The following MDGA2 variants were observed in gnomAD, a reference collection of about 807,000 sequenced individuals.
The protein encoded by MDGA2 is MAM domain containing glycosylphosphatidylinositol anchor 2, also known as MAM domain-containing glycosylphosphatidylinositol anchor protein 2.
A neutral mutation model predicts 117.8 loss-of-function variants in MDGA2; 40 were observed. The ratio of observed to expected loss-of-function variants is 0.34; its 90% CI spans 0.26 to 0.44. The LOEUF is 0.44. MDGA2 is among the 20% of genes least tolerant of loss of function. MDGA2 has a pLI of 1.00. For missense variants in MDGA2, 1,123 were observed against 1,250.6 expected (o/e 0.90, Z 1.54); for synonymous variants, 452 against 439.0 (o/e 1.03, Z -0.37).
intron 1 of MDGA2, among the ~76,000 whole-genome samples, chr14:47,357,235 A>C (rs1024174647): frequency 6.6e-6 from 1 of 152,234 alleles, no homozygotes; most frequent in African/African-American, 2.4e-5. Context: ...CCACTATAAT[A>C]GACCCAAAAG....
At chr14:47,200,608 T>C in intron 3 of MDGA2, 1 of 1,263,492 alleles carries the variant, frequency 7.9e-7, no homozygotes, top group Non-Finnish European at 1.1e-6. Flanking sequence ...TGAAGACCTC[T>C]GTATATTTGT....
intron 3 of MDGA2, among the ~76,000 whole-genome samples, chr14:47,183,107 T>C (rs1884775590): frequency 6.6e-6 from 1 of 152,150 alleles, no homozygotes; most frequent in South Asian, 2.1e-4. Context: ...AAAATTAGAC[T>C]CATTATCTTC....
intron 1 of MDGA2, among the ~76,000 whole-genome samples, chr14:47,636,253 A>C (rs1267725753): frequency 2.0e-5 from 3 of 152,226 alleles, no homozygotes; most frequent in Non-Finnish European, 4.4e-5. Flanking sequence ...TAAGCAAAAA[A>C]GGTAAAAGAA....
At chr14:47,183,045 C>A (rs190161464) in intron 3 of MDGA2, among the ~76,000 whole-genome samples, 2 of 152,226 alleles carry the variant, frequency 1.3e-5, no homozygotes, top group East Asian at 3.9e-4. Flanking sequence ...AAACTGCTTG[C>A]TTAGACACAT....
rs75123004 is a variant in MDGA2 at position 46,964,291 on chromosome 14, T to C, written c.1820-6648A>G. ...CAGCTATCCACTGTTAGAATTACTA[T>C]GATTAGATATAATAAAATGTGGTTC... On this transcript the variant is annotated intron_variant, in intron 8 of 16. Transcript: ENST00000399232. Among the ~76,000 whole-genome samples the C allele has an allele frequency of 5.4e-3, 809 of 150,044 alleles. 13 individuals are homozygous for C. Among genetic ancestry groups the C allele is most frequent in the African/African-American group, 0.019 (770 of 39,926 alleles).
intron 3 of MDGA2, among the ~76,000 whole-genome samples, chr14:47,148,135 T>G (rs1883019976): frequency 6.6e-6 from 1 of 152,180 alleles, no homozygotes; most frequent in East Asian, 1.9e-4. Context: ...TCTTGTCTGC[T>G]GCTTCCTGAC....
intron 1 of MDGA2, among the ~76,000 whole-genome samples, chr14:47,534,139 T>A (rs1895158403): frequency 6.6e-6 from 1 of 152,116 alleles, no homozygotes; most frequent in African/African-American, 2.4e-5. Flanking sequence ...TCAAAGACAG[T>A]GAGCTAATTT....
At chr14:47,399,244 C>T (rs1380570824) in intron 1 of MDGA2, among the ~76,000 whole-genome samples, 1 of 151,960 alleles carries the variant, frequency 6.6e-6, no homozygotes, top group Non-Finnish European at 1.5e-5. Flanking sequence ...CACAACACCA[C>T]AACAAAAGAA....
rs184597244 is a variant in MDGA2 at position 47,266,127 on chromosome 14, A to G, written c.420+35284T>C. Among the ~76,000 whole-genome samples, 344 of 152,250 alleles carry G rather than the reference A, an allele frequency of 2.3e-3. 2 individuals are homozygous for G. Among genetic ancestry groups the G allele is most frequent in the African/African-American group, 7.7e-3 (319 of 41,534 alleles). On this transcript the variant is annotated intron_variant, in intron 2 of 16. Transcript: ENST00000399232. Reference sequence around the variant, plus strand: ...GTGGACAAAGAGATGTAGTTTAAATAGACTAAGTAACTAGCCCAAATTATC... The same window carrying G: ...GTGGACAAAGAGATGTAGTTTAAATGGACTAAGTAACTAGCCCAAATTATC...
chr14:47,464,232 G>T (rs1202105610), intron 1 of MDGA2, among the ~76,000 whole-genome samples: 1 of 151,638 alleles, frequency 6.6e-6, no homozygotes, highest in Non-Finnish European at 1.5e-5. Flanking sequence ...TGAGATCCAG[G>T]ATAAAATAAC....
chr14:46,988,716 G>A (rs1566561619), intron 8 of MDGA2, among the ~76,000 whole-genome samples: 1 of 152,054 alleles, frequency 6.6e-6, no homozygotes, highest in South Asian at 2.1e-4. Context: ...GAATCTTAGG[G>A]AGATGTCATT....
chr14:47,468,029 C>T (rs1454643269), intron 1 of MDGA2, among the ~76,000 whole-genome samples: 2 of 152,080 alleles, frequency 1.3e-5, no homozygotes, highest in Admixed American at 1.3e-4. Flanking sequence ...AAAGTAGTAG[C>T]TTACAGAAGT....
At chr14:46,896,366 G>A (rs558331261) in intron 10 of MDGA2, among the ~76,000 whole-genome samples, 1 of 152,156 alleles carries the variant, frequency 6.6e-6, no homozygotes, top group East Asian at 1.9e-4. Context: ...TGTATAAATA[G>A]AGATTAGCAT....
intron 16 of MDGA2, among the ~76,000 whole-genome samples, chr14:46,844,977 G>A (rs575460158): frequency 5.9e-5 from 9 of 152,262 alleles, no homozygotes; most frequent in Admixed American, 3.9e-4. Context: ...CGCCTCCCGC[G>A]TTCACGCCAA....
At chr14:47,006,208 G>A (rs1478108878) in intron 8 of MDGA2, among the ~76,000 whole-genome samples, 1 of 150,864 alleles carries the variant, frequency 6.6e-6, no homozygotes, top group Non-Finnish European at 1.5e-5. Context: ...GGACTATTAT[G>A]GTCAGTTAAT....
intron 3 of MDGA2, among the ~76,000 whole-genome samples, chr14:47,216,538 T>C (rs1336877596): frequency 6.6e-6 from 1 of 152,102 alleles, no homozygotes; most frequent in Non-Finnish European, 1.5e-5. Flanking sequence ...ACCACACTAG[T>C]TAACATCAAG....
At chr14:47,269,420 G>A (rs1294904427) in intron 2 of MDGA2, among the ~76,000 whole-genome samples, 6 of 152,106 alleles carry the variant, frequency 3.9e-5, no homozygotes, top group African/African-American at 1.4e-4. Flanking sequence ...TGTATAATTT[G>A]TATTTCTAAA....
intron 10 of MDGA2, among the ~76,000 whole-genome samples, chr14:46,889,886 C>T (rs1882813698): frequency 6.6e-6 from 1 of 152,056 alleles, no homozygotes; most frequent in Non-Finnish European, 1.5e-5. Flanking sequence ...AGTGAGCATG[C>T]ATCCTTCTTT....
At chr14:47,198,772 C>T (rs10145624) in intron 3 of MDGA2, among the ~76,000 whole-genome samples, 33,103 of 152,006 alleles carry the variant, frequency 0.22, 4,080 homozygotes, top group East Asian at 0.33. Flanking sequence ...AATAAACTCT[C>T]AAATAATTGA....
Sources: gnomAD v4.1 joint callset for allele counts (sites outside exome capture counted in the v4.1 genomes callset) on GRCh38, gnomAD v4.1.1 for gene constraint, MANE v1.5 for transcripts, NCBI Gene and HGNC (gene_info 2026-07-23, HGNC 2026-07-21) for gene names.